The following GNE variants were observed in gnomAD, a reference collection of about 807,000 sequenced individuals.
GNE encodes the protein bifunctional UDP-N-acetylglucosamine 2-epimerase/N-acetylmannosamine kinase.
In GNE, 41 loss-of-function variants were observed where a neutral mutation model predicts 61.8. The observed-to-expected ratio is 0.66, with a 90% CI of 0.52 to 0.86. The LOEUF is 0.86. GNE is among the 40% of genes least tolerant of loss of function. The probability of loss-of-function intolerance (pLI) is 0.00; values close to 1 mark genes in which losing one functional copy is unlikely to be tolerated. For synonymous variants in GNE, 264 were observed against 326.4 expected, an observed-to-expected ratio of 0.81 and a Z score of 2.06; for missense variants, 608 against 909.1, an observed-to-expected ratio of 0.67 and a Z score of 4.26.
rs150174400 is a variant in GNE at position 36,227,188 on chromosome 9, TA to T, written c.1281+59del. On this transcript the variant is annotated intron_variant, in intron 7 of 11. Transcript: ENST00000642385. ...GTCTTACCTTCCAACTATATATACT[TA>T]AAAAAAAAATCAATCGCTCATATGG... is the stretch of plus-strand genomic sequence containing the variant. The T allele has an allele frequency of 4.0e-3, 4,038 of 1,012,968 alleles. 2 individuals carry two copies. Among genetic ancestry groups the T allele is most frequent in the Non-Finnish European group, 5.0e-3 (3,249 of 654,676 alleles). The allele number at this position is 1,012,968 out of a possible 1,614,324, so 62.7% of individuals were successfully genotyped here.
At chr9:36,258,033 A>G (rs1291195810) in intron 1 of GNE, among the ~76,000 whole-genome samples, 2 of 152,018 alleles carry the variant, frequency 1.3e-5, no homozygotes, top group African/African-American at 4.8e-5. Flanking sequence ...CTGATTGGAC[A>G]GCACTGTTCC....
At chr9:36,260,630 G>A (rs1468523945), upstream of GNE, among the ~76,000 whole-genome samples, 1 of 152,060 alleles carries the variant, frequency 6.6e-6, no homozygotes, top group Non-Finnish European at 1.5e-5. Flanking sequence ...AGCACTTTGG[G>A]AGGCCGAGGC....
In GNE at chr9:36,276,876, G is replaced by T. The variant is rs1370632267; in HGVS notation, c.51+18C>A. On this transcript the variant is annotated intron_variant, in intron 1 of 11. Coordinates refer to the GNE transcript ENST00000396594. ...GCAATTTCAATAATAAAGCTCTATT[G>T]AATTCCGAATTACTTACATGAGGTC... 11 of 1,581,738 alleles carry T rather than the reference G, an allele frequency of 7.0e-6. No individual in the cohort carries two copies. Among genetic ancestry groups the T allele is most frequent in the South Asian group, 1.1e-5 (1 of 87,720 alleles).
At chr9:36,237,103 G>A in intron 3 of GNE, 119 bp from the exon 4 acceptor site, 1 of 804,990 alleles carries the variant, frequency 1.2e-6, no homozygotes, top group Non-Finnish European at 2.1e-6. Context: ...GATAGAAACA[G>A]TTTGTCAAAT....
At chr9:36,251,246 C>T (rs1015953007) in intron 1 of GNE, among the ~76,000 whole-genome samples, 5 of 152,162 alleles carry the variant, frequency 3.3e-5, no homozygotes, top group East Asian at 1.9e-4. Flanking sequence ...TCCTCCCCCA[C>T]GTTTCTCAGT....
At chr9:36,265,259 G>A (rs1022177439) in intron 1 of GNE, 27 of 401,298 alleles carry the variant, frequency 6.7e-5, no homozygotes, top group South Asian at 1.8e-4. Flanking sequence ...AACATTCACC[G>A]CATGGCCCAA....
chr9:36,235,303 G>C (rs1272900230), intron 4 of GNE, among the ~76,000 whole-genome samples: 1 of 152,134 alleles, frequency 6.6e-6, no homozygotes, highest in Admixed American at 6.5e-5. Flanking sequence ...TTGGCTTAAG[G>C]CTTCGATAAT....
At position 36,239,698 on chromosome 9, in the gene GNE, C is replaced by G. The variant is rs548885981; in HGVS notation, c.617-2714G>C. ...ATGTTGGCCAGGCTAGTCTCAAACTCCTGAACTCAAATGATCTGCCCGCCT... is the reference window on the plus strand; with the variant it reads ...ATGTTGGCCAGGCTAGTCTCAAACTGCTGAACTCAAATGATCTGCCCGCCT... On this transcript the variant is annotated intron_variant, in intron 3 of 11. Coordinates refer to ENST00000642385, the MANE Select transcript of GNE (RefSeq NM_005476.7). Among the ~76,000 whole-genome samples the G allele has an allele frequency of 5.3e-5, 8 of 152,116 alleles. No homozygotes were observed. In the South Asian group the frequency reaches 1.5e-3, roughly 28 times the overall value.
At chr9:36,242,287 C>CA (rs201582112) in intron 3 of GNE, among the ~76,000 whole-genome samples, 76,312 of 145,226 alleles carry the variant, frequency 0.53, 20,084 homozygotes, top group Non-Finnish European at 0.6. Context: ...GTTTAAAGAC[C>CA]AAAAAAAAAA....
chr9:36,263,716 T>A (rs1830680953), intron 1 of GNE, among the ~76,000 whole-genome samples: 1 of 152,198 alleles, frequency 6.6e-6, no homozygotes. Context: ...TGTTAATAAA[T>A]ACCTAAGCAG....
Position 36,236,908 on chromosome 9 carries a change from T to C in GNE, c.693A>G (p.Lys231=), listed in dbSNP as rs1160102218. The C allele has an allele frequency of 6.2e-7, 1 of 1,612,548 alleles. No individual in the cohort carries two copies. Among genetic ancestry groups the C allele is most frequent in the East Asian group, 2.2e-5 (1 of 44,848 alleles). ...GTGCATCCAATGTTAATTCAAACAT[T>C]TTTATGGAATGCTTAATGTCAGTGG... is the stretch of plus-strand genomic sequence containing the variant. ...PVTTDIKHSI[K]MFELTLDALI... Residue 231 remains lysine (K), a synonymous_variant, in exon 4 of 12, where the codon AAA becomes AAG. Transcript: ENST00000642385.
chr9:36,229,120 C>T lies in GNE; in HGVS notation c.983-12G>A. On this transcript the variant is annotated splice_polypyrimidine_tract_variant and intron_variant, in intron 5 of 11. Coordinates refer to ENST00000642385, the MANE Select transcript of GNE (RefSeq NM_005476.7). Reference sequence around the variant, plus strand: ...AAGAACATTCTCCCCTAGGTAAAACCAGTGACACATTACAAGGATTTGGAA... The same window carrying T: ...AAGAACATTCTCCCCTAGGTAAAACTAGTGACACATTACAAGGATTTGGAA... The T allele has an allele frequency of 6.9e-7, 1 of 1,454,582 alleles. No homozygotes were observed. Among genetic ancestry groups the T allele is most frequent in the Non-Finnish European group, 9.7e-7 (1 of 1,034,264 alleles). 90.1% of individuals were successfully genotyped at this position (1,454,582 alleles called of 1,614,324 possible).
chr9:36,270,516 C>CTTTTTTT (rs1172459956), intron 1 of GNE, among the ~76,000 whole-genome samples: 1 of 131,680 alleles, frequency 7.6e-6, no homozygotes, highest in African/African-American at 2.9e-5. Context: ...GGATTTCTTT[C>CTTTTTTT]TTTTTTTTTT....
At position 36,221,479 on chromosome 9, in the gene GNE, A is replaced by G. The variant is rs543935115; in HGVS notation, c.1633+1298T>C. On this transcript the variant is annotated intron_variant, in intron 9 of 11. Coordinates refer to ENST00000642385, the MANE Select transcript of GNE (RefSeq NM_005476.7). ...AAAAATCAAGTTATACACTTAAAATATATACAACAAAAATAAAATAGAGTA... is the reference window on the plus strand; with the variant it reads ...AAAAATCAAGTTATACACTTAAAATGTATACAACAAAAATAAAATAGAGTA... Among the ~76,000 whole-genome samples, 5 of 152,324 alleles carry G rather than the reference A, an allele frequency of 3.3e-5. No individual in the cohort carries two copies. The East Asian group carries it at 7.7e-4, about 23-fold the overall frequency.
chr9:36,216,327 A>ATGTGTGTGTGTGTGTGTCTGTGTGTGTG lies in GNE; in HGVS notation c.*1037_*1038insCACACACACAGACACACACACACACACA. On this transcript the variant is annotated 3_prime_UTR_variant, in exon 12 of 12. Transcript: ENST00000642385. ...TTAGTTTGGGGTTAGAGGAGGAAGGATGTGTGTGTGTGTGTGTGTGTGTGT... is the reference window on the plus strand; with the variant it reads ...TTAGTTTGGGGTTAGAGGAGGAAGGATGTGTGTGTGTGTGTGTCTGTGTGTGTGTGTGTGTGTGTGTGTGTGTGTGTGT... The ATGTGTGTGTGTGTGTGTCTGTGTGTGTG allele has an allele frequency of 2.8e-6, 1 of 355,724 alleles. No individual in the cohort carries two copies. The allele number at this position is 355,724 out of a possible 1,614,324, so 22.0% of individuals were successfully genotyped here. A position where few individuals can be genotyped will look rare whatever the true frequency, so the allele number is the denominator to read the frequency against.
intron 1 of GNE, 49 bp from the exon 2 acceptor site, chr9:36,249,446 T>A: frequency 2.5e-6 from 3 of 1,216,022 alleles, no homozygotes; most frequent in Non-Finnish European, 3.5e-6. Flanking sequence ...CTCCTAGATA[T>A]AACTAAACTT....
chr9:36,215,282 T>A lies in GNE; in HGVS notation c.*2083A>T, dbSNP rs1355688879. 1.3e-5 allele frequency: 2 copies of A among 152,178 alleles called. No individual in the cohort carries two copies. Among genetic ancestry groups the A allele is most frequent in the Non-Finnish European group, 1.5e-5 (1 of 68,060 alleles). 9.4% of individuals were successfully genotyped at this position (152,178 alleles called of 1,614,324 possible). On this transcript the variant is annotated 3_prime_UTR_variant, in exon 12 of 12. Coordinates refer to ENST00000642385, the MANE Select transcript of GNE (RefSeq NM_005476.7). ...CAGAGGTTGCATTGAGCCACTGCAC[T>A]CCAGCCTGGGTGACAGAGTGAGACC...
Position 36,229,074 on chromosome 9 carries a change from G to A in GNE, c.1017C>T (p.Thr339=), listed in dbSNP as rs769534184. The change falls in exon 6 of 12, where the codon ACC becomes ACT. Residue 339 remains threonine, a synonymous_variant. Coordinates refer to ENST00000642385, the MANE Select transcript of GNE (RefSeq NM_005476.7). ...ENVLHVRDAD[T]QDKILQALHL... ...GCAGTGCTTGCAATATTTTGTCTTG[G>A]GTGTCAGCATCCCGGACATGAAGAA... 1 of 1,610,796 alleles carries A rather than the reference G, an allele frequency of 6.2e-7. No individual in the cohort carries two copies. Among genetic ancestry groups the A allele is most frequent in the Non-Finnish European group, 8.5e-7 (1 of 1,177,072 alleles).
chr9:36,276,210 C>T (rs1222216101), intron 1 of GNE, among the ~76,000 whole-genome samples: 2 of 152,022 alleles, frequency 1.3e-5, no homozygotes, highest in Non-Finnish European at 2.9e-5. Flanking sequence ...ATAAGCCATT[C>T]CTTAACTATA....
Sources: allele counts gnomAD v4.1 joint callset (sites outside exome capture counted in the v4.1 genomes callset), GRCh38; gene constraint gnomAD v4.1.1; transcripts MANE v1.5; gene names NCBI Gene and HGNC (gene_info 2026-07-23, HGNC 2026-07-21).